ASTN1: variants seen among roughly 807,000 people sequenced by gnomAD.
ASTN1 encodes astrotactin-1.
In ASTN1, 41 loss-of-function variants were observed where a neutral mutation model predicts 140.7. That is an observed-to-expected ratio of 0.29 (90% CI 0.23 to 0.38). ASTN1 has a LOEUF of 0.38. Ranked by LOEUF, ASTN1 falls within the 10% of genes least tolerant of loss-of-function variation. The probability of loss-of-function intolerance (pLI) is 1.00; values close to 1 mark genes in which losing one functional copy is unlikely to be tolerated. For missense variants in ASTN1, 1,479 were observed against 1,678.8 expected (o/e 0.88, Z 2.08); for synonymous variants, 640 against 652.2 (o/e 0.98, Z 0.29).
intron 16 of ASTN1, among the ~76,000 whole-genome samples, chr1:176,919,862 C>T (rs1002950913): frequency 2.0e-5 from 3 of 152,234 alleles, no homozygotes; most frequent in African/African-American, 4.8e-5. Flanking sequence ...ACCCCAAGGA[C>T]AGAGAAGAAT....
At chr1:177,039,582 C>A (rs1413246239) in intron 2 of ASTN1, among the ~76,000 whole-genome samples, 1 of 152,116 alleles carries the variant, frequency 6.6e-6, no homozygotes, top group Non-Finnish European at 1.5e-5. Flanking sequence ...TACTACGGAG[C>A]CTACTGGAAA....
chr1:177,034,281 ACACT>A (rs1178576452), intron 2 of ASTN1, among the ~76,000 whole-genome samples: 2 of 138,446 alleles, frequency 1.4e-5, no homozygotes, highest in Admixed American at 1.5e-4. Flanking sequence ...ACACACACAC[ACACT>A]GCCACTTTCA....
intron 2 of ASTN1, among the ~76,000 whole-genome samples, chr1:177,045,052 C>T (rs996600594): frequency 1.3e-4 from 19 of 151,916 alleles, no homozygotes; most frequent in African/African-American, 3.1e-4. Context: ...TTCCCTGAAA[C>T]GTCCTTCTTT....
chr1:176,956,602 C>G (rs535493494), intron 11 of ASTN1, among the ~76,000 whole-genome samples: 11 of 152,314 alleles, frequency 7.2e-5, no homozygotes, highest in African/African-American at 2.6e-4. Context: ...GTAGAGCTAC[C>G]AGTGAATCAT....
At chr1:177,159,801 A>G (rs756422713) in intron 1 of ASTN1, among the ~76,000 whole-genome samples, 3 of 152,196 alleles carry the variant, frequency 2.0e-5, no homozygotes, top group Non-Finnish European at 4.4e-5. Context: ...TTCATCCCCA[A>G]TGCAGCCTAC....
chr1:177,087,031 C>A (rs1679505731), intron 1 of ASTN1, among the ~76,000 whole-genome samples: 1 of 151,926 alleles, frequency 6.6e-6, no homozygotes, highest in South Asian at 2.1e-4. Context: ...AGAATTTTTT[C>A]TAAAGAAACC....
intron 8 of ASTN1, among the ~76,000 whole-genome samples, chr1:177,000,714 G>C (rs1010686473): frequency 1.3e-5 from 2 of 152,198 alleles, no homozygotes; most frequent in African/African-American, 4.8e-5. Context: ...ACAAATGCAA[G>C]TTACAGGAAA....
intron 2 of ASTN1, among the ~76,000 whole-genome samples, chr1:177,037,083 G>A (rs922381637): frequency 1.3e-5 from 2 of 152,180 alleles, no homozygotes; most frequent in African/African-American, 4.8e-5. Context: ...GCCTCCCAAA[G>A]TGGTGGGATT....
At chr1:176,867,934 CCT>C (rs1668187208) in intron 22 of ASTN1, among the ~76,000 whole-genome samples, 1 of 151,732 alleles carries the variant, frequency 6.6e-6, no homozygotes, top group Non-Finnish European at 1.5e-5. Flanking sequence ...TTCCTTCCTT[CCT>C]TCCTTCCTTG....
At chr1:177,089,997 A>G (rs781170500) in intron 1 of ASTN1, among the ~76,000 whole-genome samples, 1 of 152,046 alleles carries the variant, frequency 6.6e-6, no homozygotes, top group Non-Finnish European at 1.5e-5. Context: ...CTACATGTAC[A>G]CACATGTAAA....
At chr1:176,979,915 A>T (rs1673533416) in intron 8 of ASTN1, among the ~76,000 whole-genome samples, 1 of 152,196 alleles carries the variant, frequency 6.6e-6, no homozygotes, top group East Asian at 1.9e-4. Context: ...CAAGGTAATA[A>T]TTATAACACC....
Position 177,024,644 on chromosome 1 carries a change from G to T in ASTN1, c.1209C>A (p.His403Gln). ...SCVIGLVCSS[H>Q]VNCPLVVKIT... ...TCTTGACAACGAGAGGGCAGTTGAC[G>T]TGAGAGGAGCACACGAGGCCAATCA... Residue 403 changes from histidine (H) to glutamine (Q), a missense_variant, in exon 6 of 23, where the codon CAC (histidine) becomes CAA (glutamine). Physicochemically the swap from His to Gln is conservative, Grantham distance 24. Around this residue, in one of 3 missense-constraint regions of ASTN1, gnomAD observed 729 missense variants for 860.4 expected, o/e 0.85. Transcript: ENST00000361833. 6.2e-7 allele frequency: 1 copy of T among 1,614,068 alleles called. No homozygotes were observed. Among genetic ancestry groups the T allele is most frequent in the Admixed American group, 1.7e-5 (1 of 60,014 alleles).
Position 177,001,356 on chromosome 1 carries a change from G to T in ASTN1, c.1523+13435C>A, listed in dbSNP as rs149438033. Among the ~76,000 whole-genome samples, 20 of 152,304 alleles carry T rather than the reference G, an allele frequency of 1.3e-4. No homozygotes were observed. The East Asian group carries it at 3.1e-3, about 24-fold the overall frequency. On this transcript the variant is annotated intron_variant, in intron 8 of 22. Coordinates refer to ENST00000361833, the MANE Select transcript of ASTN1 (RefSeq NM_004319.3). Reference sequence around the variant, plus strand: ...GTGAAAGTTCAAAGAACACAAATGAGGCTGTGACCAATGCAAAGCATCATC... The same window carrying T: ...GTGAAAGTTCAAAGAACACAAATGATGCTGTGACCAATGCAAAGCATCATC...
intron 22 of ASTN1, among the ~76,000 whole-genome samples, chr1:176,865,451 C>T (rs1203746569): frequency 6.6e-6 from 1 of 152,044 alleles, no homozygotes; most frequent in Non-Finnish European, 1.5e-5. Context: ...CTTAGACCTA[C>T]TGGATTTGAC....
At chr1:176,935,383 G>A (rs945009523) in intron 15 of ASTN1, among the ~76,000 whole-genome samples, 3 of 152,130 alleles carry the variant, frequency 2.0e-5, no homozygotes, top group Non-Finnish European at 4.4e-5. Context: ...TATTTTCCTA[G>A]AATGAAAAGT....
At chr1:177,096,317 A>C (rs1297405372) in intron 1 of ASTN1, among the ~76,000 whole-genome samples, 5 of 152,118 alleles carry the variant, frequency 3.3e-5, no homozygotes, top group Admixed American at 3.3e-4. Context: ...GGATGAAATG[A>C]ATGCATTTTT....
At chr1:176,953,577 A>G (rs1672282036) in intron 11 of ASTN1, among the ~76,000 whole-genome samples, 1 of 151,956 alleles carries the variant, frequency 6.6e-6, no homozygotes, top group Admixed American at 6.5e-5. Context: ...ATTTCTCTGG[A>G]AGCCTCTGAG....
At chr1:177,052,112 G>T (rs767620102) in intron 2 of ASTN1, among the ~76,000 whole-genome samples, 5 of 152,154 alleles carry the variant, frequency 3.3e-5, no homozygotes, top group Non-Finnish European at 7.3e-5. Flanking sequence ...GAATGGACAT[G>T]ACTGCATCCC....
At chr1:177,146,198 A>AGATG (rs1373353582) in intron 1 of ASTN1, among the ~76,000 whole-genome samples, 1 of 152,240 alleles carries the variant, frequency 6.6e-6, no homozygotes, top group Non-Finnish European at 1.5e-5. Context: ...AATAGAAGAC[A>AGATG]GATGGATACT....
Sources: allele counts gnomAD v4.1 joint callset (sites outside exome capture counted in the v4.1 genomes callset), GRCh38; gene constraint gnomAD v4.1.1; regional missense constraint gnomAD v4.1.1; transcripts MANE v1.5; gene names NCBI Gene and HGNC (gene_info 2026-07-23, HGNC 2026-07-21).